PTPN4: variants seen among roughly 807,000 people sequenced by gnomAD.
PTPN4 encodes the protein tyrosine-protein phosphatase non-receptor type 4.
In PTPN4, 49 loss-of-function variants were observed where a neutral mutation model predicts 135.5. That is an observed-to-expected ratio of 0.36 (90% CI 0.29 to 0.46). The LOEUF is 0.46. PTPN4 is among the 20% of genes least tolerant of loss of function. The pLI is 1.00. For missense variants in PTPN4, 860 were observed against 1,101.0 expected, an observed-to-expected ratio of 0.78 and a Z score of 3.10; for synonymous variants, 333 against 369.9, an observed-to-expected ratio of 0.90 and a Z score of 1.14.
chr2:119,943,580 C>CTTTTTTTTTTTTTTT (rs70949374), intron 15 of PTPN4, among the ~76,000 whole-genome samples: 7 of 79,916 alleles, frequency 8.8e-5, no homozygotes, highest in East Asian at 4.2e-4. Flanking sequence ...TCATTTTTTT[C>CTTTTTTTTTTTTTTT]TTTTTTTTTT....
intron 25 of PTPN4, among the ~76,000 whole-genome samples, chr2:119,967,613 A>AT (rs935794365): frequency 6.6e-6 from 1 of 152,158 alleles, no homozygotes; most frequent in Non-Finnish European, 1.5e-5. Flanking sequence ...TTAAAATAGT[A>AT]TTTTTCCAAC....
intron 15 of PTPN4, among the ~76,000 whole-genome samples, chr2:119,943,834 C>T (rs1679096819): frequency 1.3e-5 from 2 of 151,750 alleles, no homozygotes; most frequent in South Asian, 4.2e-4. Flanking sequence ...CCTCGTGATC[C>T]GCCCACCCCG....
intron 1 of PTPN4, among the ~76,000 whole-genome samples, chr2:119,775,018 A>T (rs1394023333): frequency 2.6e-5 from 4 of 151,840 alleles, no homozygotes; most frequent in African/African-American, 4.8e-5. Context: ...CTGCTAAAAA[A>T]AAAATAAAAA....
intron 1 of PTPN4, among the ~76,000 whole-genome samples, chr2:119,777,798 G>A (rs1488526218): frequency 6.6e-6 from 1 of 152,058 alleles, no homozygotes; most frequent in African/African-American, 2.4e-5. Flanking sequence ...GGGACCATAG[G>A]TGTGTTCCAC....
Position 119,900,718 on chromosome 2 carries a change from G to T in PTPN4, c.676G>T (p.Asp226Tyr). ...LYGVEFHYAR[D>Y]QSNNEIMIGV... Reference sequence around the variant, plus strand: ...ATGTTTTTATTCATTTTTTTTGAAGGATCAGAGTAACAATGAAATTATGAT... The same window carrying T: ...ATGTTTTTATTCATTTTTTTTGAAGTATCAGAGTAACAATGAAATTATGAT... The change falls in exon 10 of 27, where the codon GAT becomes TAT. Residue 226 changes from aspartate (D) to tyrosine (Y), a missense_variant and splice_region_variant. Transcript: ENST00000263708. The T allele has an allele frequency of 6.5e-7, 1 of 1,546,232 alleles. No homozygotes were observed. The highest frequency in any genetic ancestry group is 1.2e-5 in the South Asian group (1 of 81,666).
chr2:119,766,729 C>T (rs565180723), intron 1 of PTPN4, among the ~76,000 whole-genome samples: 1 of 152,066 alleles, frequency 6.6e-6, no homozygotes, highest in Non-Finnish European at 1.5e-5. Flanking sequence ...AGCAGAGAGA[C>T]CAGATGCTGT....
At chr2:119,845,245 G>C (rs1215538314) in intron 2 of PTPN4, among the ~76,000 whole-genome samples, 1 of 73,018 alleles carries the variant, frequency 1.4e-5, no homozygotes, top group Non-Finnish European at 2.9e-5. Context: ...AGAGGGAGAG[G>C]GGGAGGGGGA....
At chr2:119,946,642 T>A in intron 18 of PTPN4, 68 bp downstream of exon 18, 1 of 1,186,786 alleles carries the variant, frequency 8.4e-7, no homozygotes, top group Non-Finnish European at 1.2e-6. Context: ...TAATTCTTAC[T>A]AGTTTAAATA....
intron 2 of PTPN4, among the ~76,000 whole-genome samples, chr2:119,855,733 A>G (rs1236837261): frequency 6.6e-6 from 1 of 152,168 alleles, no homozygotes; most frequent in Admixed American, 6.5e-5. Flanking sequence ...AGCTGCTACT[A>G]TGAGCAAGCA....
chr2:119,931,433 CTTTTTTTTT>C (rs1158907026), intron 13 of PTPN4, among the ~76,000 whole-genome samples: 1 of 83,366 alleles, frequency 1.2e-5, no homozygotes, highest in Admixed American at 1.2e-4. Flanking sequence ...TTCTTTCTTT[CTTTTTTTTT>C]TTTTTTTTTT....
chr2:119,836,770 G>A (rs1473945421), intron 2 of PTPN4, among the ~76,000 whole-genome samples: 3 of 152,222 alleles, frequency 2.0e-5, no homozygotes, highest in African/African-American at 7.2e-5. Flanking sequence ...CCAAAGTTGA[G>A]GCCAAGCCCA....
chr2:119,816,995 C>T (rs1012792274), intron 2 of PTPN4, among the ~76,000 whole-genome samples: 1 of 152,150 alleles, frequency 6.6e-6, no homozygotes, highest in East Asian at 1.9e-4. Flanking sequence ...ATGTAATGCT[C>T]GAATTCTTTT....
chr2:119,871,511 G>A (rs565440117), intron 3 of PTPN4, among the ~76,000 whole-genome samples: 53 of 152,164 alleles, frequency 3.5e-4, no homozygotes, highest in South Asian at 1.0e-3. Context: ...GGACTATAGT[G>A]CACTATGCTG....
intron 3 of PTPN4, among the ~76,000 whole-genome samples, chr2:119,863,246 T>A (rs1320438231): frequency 6.6e-6 from 1 of 152,226 alleles, no homozygotes; most frequent in African/African-American, 2.4e-5. Flanking sequence ...ATAGAAATGT[T>A]TACTTTGACA....
rs925257648 is a variant in PTPN4, at chr2:119,844,322, C to T, written c.139-18214C>T. Among the ~76,000 whole-genome samples, 574 of 132,950 alleles carry T rather than the reference C, an allele frequency of 4.3e-3. 9 individuals are homozygous for T. The highest frequency in any genetic ancestry group is 0.026 in the East Asian group (116 of 4,464). The allele number at this position is 132,950 out of a possible 152,430, so 87.2% of individuals were successfully genotyped here. On this transcript the variant is annotated intron_variant, in intron 2 of 26. Transcript: ENST00000263708. ...CTCCCGGACGGGGCGGCTGGCCGGACGGGGCGGCTGGCCGGGCGGGGGGCT... is the reference window on the plus strand; with the variant it reads ...CTCCCGGACGGGGCGGCTGGCCGGATGGGGCGGCTGGCCGGGCGGGGGGCT...
At chr2:119,930,303 A>C (rs1678886220) in intron 13 of PTPN4, among the ~76,000 whole-genome samples, 1 of 152,182 alleles carries the variant, frequency 6.6e-6, no homozygotes, top group Non-Finnish European at 1.5e-5. Context: ...TTGATTAAGG[A>C]AATGTCATTA....
At chr2:119,954,368 C>T (rs987670753) in intron 19 of PTPN4, among the ~76,000 whole-genome samples, 2 of 152,108 alleles carry the variant, frequency 1.3e-5, no homozygotes, top group African/African-American at 2.4e-5. Context: ...CCTTTCTATA[C>T]CACTTTTTTT....
chr2:119,871,169 A>C (rs1423673853), intron 3 of PTPN4, among the ~76,000 whole-genome samples: 3 of 148,424 alleles, frequency 2.0e-5, no homozygotes, highest in East Asian at 3.9e-4. Flanking sequence ...CACTCTTTGC[A>C]TACTAGATTA....
chr2:119,965,220 T>C (rs1679428414), intron 24 of PTPN4, among the ~76,000 whole-genome samples: 1 of 152,178 alleles, frequency 6.6e-6, no homozygotes, highest in Non-Finnish European at 1.5e-5. Context: ...AGGGGAAATC[T>C]AACATTTCAT....
Sources: gnomAD v4.1 joint callset for allele counts (sites outside exome capture counted in the v4.1 genomes callset) on GRCh38, gnomAD v4.1.1 for gene constraint, MANE v1.5 for transcripts, NCBI Gene and HGNC (gene_info 2026-07-23, HGNC 2026-07-21) for gene names.